PPP5C: variants seen among roughly 807,000 people sequenced by gnomAD.
PPP5C encodes the protein protein phosphatase 5 catalytic subunit.
Under a neutral mutation model 66.7 loss-of-function variants are expected in PPP5C, and 21 were observed. That is an observed-to-expected ratio of 0.31 (90% confidence interval 0.22 to 0.45). PPP5C has a LOEUF of 0.45. Ranked by LOEUF, PPP5C falls within the 20% of genes least tolerant of loss-of-function variation. The probability of loss-of-function intolerance (pLI) is 1.00; values close to 1 mark genes in which losing one functional copy is unlikely to be tolerated. For synonymous variants in PPP5C, 246 were observed against 257.4 expected, an observed-to-expected ratio of 0.96 and a Z score of 0.43; for missense variants, 464 against 675.9, an observed-to-expected ratio of 0.69 and a Z score of 3.48.
intron 1 of PPP5C, among the ~76,000 whole-genome samples, chr19:46,348,226 G>A (rs984965697): frequency 6.6e-6 from 1 of 152,028 alleles, no homozygotes; most frequent in Non-Finnish European, 1.5e-5. Flanking sequence ...CTACTTAGGG[G>A]GAGACCAATA....
At chr19:46,382,693 A>G (rs567770099) in intron 4 of PPP5C, 1 of 675,796 alleles carries the variant, frequency 1.5e-6, no homozygotes, top group African/African-American at 2.0e-5. Flanking sequence ...TGCAGCCATC[A>G]TAACCTGGAT....
intron 7 of PPP5C, among the ~76,000 whole-genome samples, chr19:46,385,147 A>G (rs750306855): frequency 7.2e-5 from 11 of 152,228 alleles, no homozygotes; most frequent in Non-Finnish European, 1.6e-4. Flanking sequence ...GCAGATGGCA[A>G]ACAAGGGTGT....
At chr19:46,378,518 CT>C (rs1217116578) in intron 4 of PPP5C, among the ~76,000 whole-genome samples, 1 of 152,152 alleles carries the variant, frequency 6.6e-6, no homozygotes, top group Admixed American at 6.5e-5. Flanking sequence ...CCTATTTTTT[CT>C]AATTGCTCAA....
intron 2 of PPP5C, among the ~76,000 whole-genome samples, chr19:46,375,037 C>T (rs578227114): frequency 6.6e-6 from 1 of 152,188 alleles, no homozygotes; most frequent in Non-Finnish European, 1.5e-5. Context: ...TGCTGCTGCC[C>T]ACCTGCCCCT....
At chr19:46,384,094 G>A in intron 6 of PPP5C, 1 of 566,580 alleles carries the variant, frequency 1.8e-6, no homozygotes, top group Non-Finnish European at 3.1e-6. Flanking sequence ...CCCACCTGCT[G>A]TGTGACCTAA....
At chr19:46,356,614 A>G (rs1003536682) in intron 2 of PPP5C, among the ~76,000 whole-genome samples, 1 of 152,212 alleles carries the variant, frequency 6.6e-6, no homozygotes, top group Non-Finnish European at 1.5e-5. Context: ...GTCACCCAGC[A>G]GGGAAGTGGC....
intron 2 of PPP5C, among the ~76,000 whole-genome samples, chr19:46,365,099 C>T (rs967460278): frequency 2.0e-5 from 3 of 152,208 alleles, no homozygotes; most frequent in Admixed American, 1.3e-4. Flanking sequence ...TCTCTTGCCT[C>T]GGTCTCCCAA....
At chr19:46,386,596 A>T (rs1430628187) in intron 7 of PPP5C, 1 of 166,898 alleles carries the variant, frequency 6.0e-6, no homozygotes, top group Non-Finnish European at 1.3e-5. Flanking sequence ...GCTGGGGCAC[A>T]TGTTCTGTAG....
intron 1 of PPP5C, among the ~76,000 whole-genome samples, chr19:46,353,020 A>G (rs1972217598): frequency 6.6e-6 from 1 of 152,170 alleles, no homozygotes; most frequent in Admixed American, 6.5e-5. Flanking sequence ...AGTGGGGACA[A>G]GCCTCTAAGG....
At chr19:46,381,071 CTA>C (rs1229959657) in intron 4 of PPP5C, among the ~76,000 whole-genome samples, 1 of 152,158 alleles carries the variant, frequency 6.6e-6, no homozygotes, top group African/African-American at 2.4e-5. Context: ...GATTTTTCCT[CTA>C]TGTATTTCAG....
Position 46,390,411 on chromosome 19 carries a change from TA to T in PPP5C, c.*66del. The T allele has an allele frequency of 6.5e-7, 1 of 1,549,346 alleles. No individual in the cohort carries two copies. Among genetic ancestry groups the T allele is most frequent in the Non-Finnish European group, 8.7e-7 (1 of 1,146,438 alleles). ...ATCCCACCGGACCCAGGCCCTGGGC[TA>T]GGGGCAGAGCAGGCCCCGCCCCAGG... On this transcript the variant is annotated 3_prime_UTR_variant, in exon 13 of 13. Transcript: ENST00000012443.
Position 46,388,320 on chromosome 19 carries a change from A to G in PPP5C, c.1136-88A>G. On this transcript the variant is annotated intron_variant, in intron 9 of 12. Transcript: ENST00000012443. This position sits in a 1 kb window ranked among gnomAD's most constrained non-coding sequence, Gnocchi z 4.9. ...CCCACCCAGGCTGGGCTGTGGGGTC[A>G]GCACCTGGCCGGGCCAGGAGGTGGC... The G allele has an allele frequency of 2.1e-6, 3 of 1,414,920 alleles. No homozygotes were observed. Among genetic ancestry groups the G allele is most frequent in the Non-Finnish European group, 1.9e-6 (2 of 1,044,864 alleles). The allele number at this position is 1,414,920 out of a possible 1,614,324, so 87.6% of individuals were successfully genotyped here. A position where few individuals can be genotyped will look rare whatever the true frequency, so the allele number is the denominator to read the frequency against.
Position 46,388,358 on chromosome 19 carries a change from AC to A in PPP5C, c.1136-45del, listed in dbSNP as rs760525462. ...GCCAGGAGGTGGCCTGTGAGTGACC[AC>A]CCCCGGGGAGGTGGACGAGTCCCTA... On this transcript the variant is annotated intron_variant, in intron 9 of 12. Coordinates refer to ENST00000012443, the MANE Select transcript of PPP5C (RefSeq NM_006247.4). This position sits in a 1 kb window ranked among gnomAD's most constrained non-coding sequence, Gnocchi z 4.9. 9 of 1,560,554 alleles carry A rather than the reference AC, an allele frequency of 5.8e-6. No individual in the cohort carries two copies. In the East Asian group the frequency reaches 1.6e-4, roughly 28 times the overall value.
rs143672249 is a variant in PPP5C at position 46,348,605 on chromosome 19, C to T, written c.121+1388C>T. 4.0e-3 allele frequency among the ~76,000 whole-genome samples: 615 copies of T among 152,238 alleles called. 5 individuals carry two copies. Among genetic ancestry groups the T allele is most frequent in the South Asian group, 0.016 (75 of 4,824 alleles). Reference sequence around the variant, plus strand: ...CTGGGATTACAGGCATGAGCCACCACGCCCAGCCCTACAAGAAGACACATT... The same window carrying T: ...CTGGGATTACAGGCATGAGCCACCATGCCCAGCCCTACAAGAAGACACATT... On this transcript the variant is annotated intron_variant, in intron 1 of 12. Coordinates refer to ENST00000012443, the MANE Select transcript of PPP5C (RefSeq NM_006247.4).
intron 2 of PPP5C, among the ~76,000 whole-genome samples, chr19:46,369,500 C>G (rs1269921088): frequency 6.6e-6 from 1 of 151,692 alleles, no homozygotes; most frequent in Non-Finnish European, 1.5e-5. Context: ...GGCGTGGTGG[C>G]AGGTGCCTGT....
intron 1 of PPP5C, among the ~76,000 whole-genome samples, chr19:46,353,099 TGCAGACAGG>T (rs1413287952): frequency 1.3e-5 from 2 of 152,146 alleles, no homozygotes; most frequent in Non-Finnish European, 2.9e-5. Context: ...GCTCTGCAGG[TGCAGACAGG>T]GCATTTGACC....
Position 46,348,938 on chromosome 19 carries a change from T to A in PPP5C, c.121+1721T>A, listed in dbSNP as rs569672123. On this transcript the variant is annotated intron_variant, in intron 1 of 12. Transcript: ENST00000012443. ...CTGGTAGTGATGTTGACAGGAGCAG[T>A]TATTGGGGAGTGATGGGGGTGATGC... 1.3e-4 allele frequency among the ~76,000 whole-genome samples: 20 copies of A among 151,942 alleles called. No individual in the cohort carries two copies. The East Asian group carries it at 2.7e-3, about 21-fold the overall frequency.
At chr19:46,364,189 T>C (rs1041926398) in intron 2 of PPP5C, among the ~76,000 whole-genome samples, 4 of 152,022 alleles carry the variant, frequency 2.6e-5, no homozygotes, top group Non-Finnish European at 5.9e-5. Context: ...AACAGAGGCA[T>C]CAAAAAATAT....
chr19:46,371,060 A>C (rs1228403264), intron 2 of PPP5C, among the ~76,000 whole-genome samples: 1 of 151,656 alleles, frequency 6.6e-6, no homozygotes, highest in Non-Finnish European at 1.5e-5. Context: ...TGTCTCTCTC[A>C]TTAGTTCTGT....
Sources: allele counts gnomAD v4.1 joint callset (sites outside exome capture counted in the v4.1 genomes callset), GRCh38; gene constraint gnomAD v4.1.1; non-coding constraint Gnocchi (gnomAD v3.1); transcripts MANE v1.5; gene names NCBI Gene and HGNC (gene_info 2026-07-23, HGNC 2026-07-21).